Variants in FGF14 observed in about 807,000 individuals in gnomAD.
FGF14 encodes the protein fibroblast growth factor homologous factor 4.
A neutral mutation model predicts 25.5 loss-of-function variants in FGF14; 5 were observed. The ratio of observed to expected loss-of-function variants is 0.20; its 90% CI spans 0.10 to 0.41. The LOEUF is 0.41. Ranked by LOEUF, FGF14 falls within the 10% of genes least tolerant of loss-of-function variation. The probability of loss-of-function intolerance (pLI) is 1.00; values close to 1 mark genes in which losing one functional copy is unlikely to be tolerated. For synonymous variants in FGF14, 138 were observed against 118.3 expected, an observed-to-expected ratio of 1.17 and a Z score of -1.08; for missense variants, 222 against 320.1, an observed-to-expected ratio of 0.69 and a Z score of 2.34.
intron 1 of FGF14, among the ~76,000 whole-genome samples, chr13:102,228,178 T>C (rs146294327): frequency 3.3e-5 from 5 of 152,330 alleles, no homozygotes; most frequent in Admixed American, 6.5e-5. Flanking sequence ...AAATGAACGA[T>C]GTTAACTTTA....
At chr13:102,190,214 C>T (rs2049068169) in intron 1 of FGF14, among the ~76,000 whole-genome samples, 1 of 152,194 alleles carries the variant, frequency 6.6e-6, no homozygotes, top group Non-Finnish European at 1.5e-5. Context: ...GAATTGGTTA[C>T]ATTTCCATTC....
At chr13:102,006,091 T>C (rs1213819481) in intron 1 of FGF14, among the ~76,000 whole-genome samples, 1 of 152,210 alleles carries the variant, frequency 6.6e-6, no homozygotes, top group Non-Finnish European at 1.5e-5. Context: ...AAGTTCTTAG[T>C]GCTACAAAGG....
At chr13:102,081,520 C>T (rs1595203898) in intron 1 of FGF14, among the ~76,000 whole-genome samples, 1 of 152,024 alleles carries the variant, frequency 6.6e-6, no homozygotes, top group African/African-American at 2.4e-5. Context: ...CAAAATATCC[C>T]CAATGATATT....
intron 1 of FGF14, among the ~76,000 whole-genome samples, chr13:102,055,989 T>C (rs543587845): frequency 1.3e-5 from 2 of 152,176 alleles, no homozygotes; most frequent in Non-Finnish European, 2.9e-5. Flanking sequence ...ACTTATTCAC[T>C]ACCACGAGAA....
intron 1 of FGF14, among the ~76,000 whole-genome samples, chr13:102,257,337 C>CTTTTTTTTTT (rs2052492542): frequency 4.0e-5 from 1 of 24,976 alleles, no homozygotes; most frequent in Non-Finnish European, 9.1e-5. Context: ...CATTTCCTTT[C>CTTTTTTTTTT]TTTTCTTTTT....
intron 1 of FGF14, among the ~76,000 whole-genome samples, chr13:102,023,199 T>C (rs1197825757): frequency 6.6e-6 from 1 of 152,030 alleles, no homozygotes; most frequent in African/African-American, 2.4e-5. Flanking sequence ...TCAAAACTCA[T>C]TTGATAGGTA....
chr13:101,867,445 A>G (rs566429965), intron 3 of FGF14, among the ~76,000 whole-genome samples: 1 of 152,318 alleles, frequency 6.6e-6, no homozygotes, highest in Non-Finnish European at 1.5e-5. Flanking sequence ...AGATAGAACT[A>G]GAAGCTACAG....
At chr13:101,975,749 T>A (rs1007611147) in intron 1 of FGF14, among the ~76,000 whole-genome samples, 1 of 152,214 alleles carries the variant, frequency 6.6e-6, no homozygotes, top group African/African-American at 2.4e-5. Flanking sequence ...GAGAGGGAAC[T>A]TACTAAAATA....
intron 3 of FGF14, among the ~76,000 whole-genome samples, chr13:101,828,603 C>T (rs547367960): frequency 6.6e-6 from 1 of 151,828 alleles, no homozygotes; most frequent in East Asian, 1.9e-4. Context: ...CGCATTCATA[C>T]AGCACTGAGT....
intron 1 of FGF14, among the ~76,000 whole-genome samples, chr13:102,033,622 C>T (rs2041324523): frequency 6.6e-6 from 1 of 152,106 alleles, no homozygotes; most frequent in Non-Finnish European, 1.5e-5. Flanking sequence ...TAAAGCTGTT[C>T]TCAGGACAAG....
intron 1 of FGF14, among the ~76,000 whole-genome samples, chr13:102,153,154 T>G (rs2047164041): frequency 6.6e-6 from 1 of 152,186 alleles, no homozygotes; most frequent in Non-Finnish European, 1.5e-5. Context: ...ACCTGACATT[T>G]TTATATTTCA....
At chr13:102,323,496 A>G (rs1359138436) in intron 1 of FGF14, among the ~76,000 whole-genome samples, 1 of 152,196 alleles carries the variant, frequency 6.6e-6, no homozygotes, top group Non-Finnish European at 1.5e-5. Context: ...ACCATTTGAA[A>G]GGCATTGATA....
intron 1 of FGF14, among the ~76,000 whole-genome samples, chr13:102,123,957 A>C (rs574287083): frequency 6.6e-6 from 1 of 152,314 alleles, no homozygotes; most frequent in African/African-American, 2.4e-5. Flanking sequence ...CAGAATGCAA[A>C]GTATATTTAG....
intron 3 of FGF14, among the ~76,000 whole-genome samples, chr13:101,863,476 T>TG (rs1242236584): frequency 1.3e-5 from 2 of 151,992 alleles, no homozygotes; most frequent in East Asian, 3.9e-4. Context: ...ACATAAAACC[T>TG]GGGGGAGGAG....
intron 3 of FGF14, among the ~76,000 whole-genome samples, chr13:101,729,653 C>T (rs2035677632): frequency 6.6e-6 from 1 of 152,108 alleles, no homozygotes; most frequent in South Asian, 2.1e-4. Flanking sequence ...TAGAAGAGAA[C>T]TTGGTATACA....
chr13:101,914,659 C>T (rs942048841), intron 1 of FGF14, among the ~76,000 whole-genome samples: 2 of 152,154 alleles, frequency 1.3e-5, no homozygotes, highest in Non-Finnish European at 2.9e-5. Flanking sequence ...AGCAAATCCT[C>T]CTTCGCCACC....
chr13:101,970,645 T>C (rs376919465), intron 1 of FGF14, among the ~76,000 whole-genome samples: 1 of 152,136 alleles, frequency 6.6e-6, no homozygotes, highest in Non-Finnish European at 1.5e-5. Flanking sequence ...TAAGGAAAGT[T>C]CCACCAGAAG....
At chr13:102,314,945 T>G (rs917498566) in intron 1 of FGF14, among the ~76,000 whole-genome samples, 2 of 148,312 alleles carry the variant, frequency 1.3e-5, no homozygotes, top group Non-Finnish European at 3.0e-5. Context: ...TTATACATAT[T>G]ATATTAATAT....
chr13:101,946,619 A>G (rs2035825496), intron 1 of FGF14, among the ~76,000 whole-genome samples: 1 of 152,190 alleles, frequency 6.6e-6, no homozygotes, highest in Non-Finnish European at 1.5e-5. Flanking sequence ...TCCTCAGGCT[A>G]ACAGTAAAAT....
Sources: allele counts gnomAD v4.1 joint callset (sites outside exome capture counted in the v4.1 genomes callset), GRCh38; gene constraint gnomAD v4.1.1; transcripts MANE v1.5; gene names NCBI Gene and HGNC (gene_info 2026-07-23, HGNC 2026-07-21).